Variants in TEP1 observed in about 807,000 individuals in gnomAD.
TEP1 encodes the protein telomerase associated protein 1, also known as telomerase protein component 1.
In TEP1, 241 loss-of-function variants were observed where a neutral mutation model predicts 306.3. That is an observed-to-expected ratio of 0.79 (90% CI 0.71 to 0.88). The LOEUF is 0.88. Ranked by LOEUF, TEP1 falls within the 40% of genes least tolerant of loss-of-function variation. The probability of loss-of-function intolerance (pLI) is 0.00; values close to 1 mark genes in which losing one functional copy is unlikely to be tolerated. For synonymous variants in TEP1, 1,289 were observed against 1,305.5 expected (o/e 0.99, Z 0.27); for missense variants, 3,051 against 3,276.1 (o/e 0.93, Z 1.68).
chr14:20,389,875 A>G, intron 15 of TEP1, 135 bp from the exon 16 acceptor site: 1 of 1,196,296 alleles, frequency 8.4e-7, no homozygotes, highest in Non-Finnish European at 1.1e-6. Context: ...ACATAGAATG[A>G]GGGAAGCCAC....
At chr14:20,371,110 T>C in intron 51 of TEP1, 108 bp downstream of exon 51, 1 of 886,774 alleles carries the variant, frequency 1.1e-6, no homozygotes, top group Non-Finnish European at 1.9e-6. Context: ...TAAGAGGATT[T>C]GCAGCCAACT....
rs936118040 is a variant in TEP1, at chr14:20,382,034, G to A, written c.4303C>T (p.Leu1435=). The A allele has an allele frequency of 1.2e-6, 2 of 1,614,150 alleles. No individual in the cohort carries two copies. Among genetic ancestry groups the A allele is most frequent in the South Asian group, 2.2e-5 (2 of 91,088 alleles). ...TTCGGTAGTGTCCGCCACACACTCA[G>A]CACTCCGTGCAGCTGGTCCACAGTC... The part of the protein sequence containing the change: ...GLTVDQLHGV[L]SVWRTLPKGT... Residue 1435 remains leucine, a synonymous_variant, in exon 30 of 55, where the codon CTG becomes TTG. Transcript: ENST00000262715.
Position 20,404,715 on chromosome 14 carries a change from C to G in TEP1, c.928G>C (p.Ala310Pro). Reference sequence around the variant, plus strand: ...CACGCCGGCAAGAAAGCAGCAATGGCCAAGATGTTATTGGCCACATTCCGG... The same window carrying G: ...CACGCCGGCAAGAAAGCAGCAATGGGCAAGATGTTATTGGCCACATTCCGG... The part of the protein sequence containing the change: ...NVRNVANNIL[A>P]IAAFLPACRP... The change falls in exon 5 of 55, where the codon GCC becomes CCC. Residue 310 changes from alanine to proline, a missense_variant. Physicochemically the swap from Ala to Pro is conservative, Grantham distance 27. Around this residue, in one of 3 missense-constraint regions of TEP1, gnomAD observed 1,507 missense variants for 1,550.5 expected, o/e 0.97. Transcript: ENST00000262715. The G allele has an allele frequency of 6.2e-7, 1 of 1,614,072 alleles. No homozygotes were observed. Among genetic ancestry groups the G allele is most frequent in the Admixed American group, 1.7e-5 (1 of 60,006 alleles).
chr14:20,382,752 G>T, intron 27 of TEP1, 37 bp from the exon 28 acceptor site: 1 of 1,602,234 alleles, frequency 6.2e-7, no homozygotes, highest in South Asian at 1.1e-5. Context: ...GGTCCAGGAG[G>T]GCTGCCCGCA....
chr14:20,404,679 G>A lies in TEP1; in HGVS notation c.964C>T (p.Leu322=). 1 of 1,614,216 alleles carries A rather than the reference G, an allele frequency of 6.2e-7. No individual in the cohort carries two copies. Among genetic ancestry groups the A allele is most frequent in the Non-Finnish European group, 8.5e-7 (1 of 1,180,052 alleles). Residue 322 remains leucine (L), a synonymous_variant, in exon 5 of 55, where the codon CTG becomes TTG. Coordinates refer to ENST00000262715, the MANE Select transcript of TEP1 (RefSeq NM_007110.5). The part of the protein sequence containing the change: ...AAFLPACRPH[L]RRYFCAIVQL... Reference sequence around the variant, plus strand: ...ACAATGGCACAGAAATATCGTCGCAGGTGGGGGCGACACGCCGGCAAGAAA... The same window carrying A: ...ACAATGGCACAGAAATATCGTCGCAAGTGGGGGCGACACGCCGGCAAGAAA...
chr14:20,373,886 G>A, intron 44 of TEP1, 76 bp from the exon 45 acceptor site: 1 of 1,549,950 alleles, frequency 6.5e-7, no homozygotes, highest in Non-Finnish European at 8.7e-7. Context: ...CCACAGAGGT[G>A]GGTGGAGCAT....
chr14:20,384,952 AAGGAGCCCC>A, intron 21 of TEP1, 24 bp downstream of exon 21: 1 of 1,613,912 alleles, frequency 6.2e-7, no homozygotes, highest in South Asian at 1.1e-5. Flanking sequence ...CCTTTTGGGG[AAGGAGCCCC>A]AGCCTGCAGG....
Position 20,403,824 on chromosome 14 carries a change from T to C in TEP1, c.1093A>G (p.Met365Val), listed in dbSNP as rs768388925. ...TCAAACTGGGCAAATTTGTCCGTCA[T>C]GGCAGTACGGAGACAGGCGGGCAGG... ...VPLPACLRTA[M>V]TDKFAQFDEY... Residue 365 changes from methionine (M) to valine (V), a missense_variant, in exon 6 of 55, where the codon ATG (methionine) becomes GTG (valine). By Grantham distance (21) the Met-to-Val change is conservative. Around this residue, in one of 3 missense-constraint regions of TEP1, gnomAD observed 1,507 missense variants for 1,550.5 expected, o/e 0.97. Coordinates refer to ENST00000262715, the MANE Select transcript of TEP1 (RefSeq NM_007110.5). 7 of 1,614,032 alleles carry C rather than the reference T, an allele frequency of 4.3e-6. No homozygotes were observed. The East Asian group carries it at 1.1e-4, about 26-fold the overall frequency.
At chr14:20,395,811 T>C in intron 11 of TEP1, 48 bp downstream of exon 11, 1 of 1,577,670 alleles carries the variant, frequency 6.3e-7, no homozygotes, top group Non-Finnish European at 8.7e-7. Flanking sequence ...GCTTCATTTA[T>C]TGTCAGATGT....
chr14:20,389,569 A>G (rs1566465051), intron 16 of TEP1, 41 bp downstream of exon 16: 2 of 1,608,504 alleles, frequency 1.2e-6, no homozygotes, highest in African/African-American at 2.7e-5. Context: ...AATGTAGACC[A>G]CTGATTTCTG....
Position 20,373,081 on chromosome 14 carries a change from A to G in TEP1, c.6881T>C (p.Met2294Thr). Residue 2294 changes from methionine to threonine, a missense_variant, in exon 48 of 55, where the codon ATG becomes ACG. Met to Thr is a moderately conservative substitution (Grantham distance 81). Around this residue, in one of 3 missense-constraint regions of TEP1, gnomAD observed 1,540 missense variants for 1,705.9 expected, o/e 0.90. Coordinates refer to ENST00000262715, the MANE Select transcript of TEP1 (RefSeq NM_007110.5). ...CCCAGCTTGATTTCCAGATACTGCC[A>G]TGGAACCATCTGGTGCCCAAGCCAC... ...TAVAWAPDGSMAVSGNQAGEL... is the reference protein window; with the variant it reads ...TAVAWAPDGSTAVSGNQAGEL... The G allele has an allele frequency of 1.2e-6, 2 of 1,614,230 alleles. No homozygotes were observed. Among genetic ancestry groups the G allele is most frequent in the Non-Finnish European group, 1.7e-6 (2 of 1,180,036 alleles).
rs779086209 is a variant in TEP1 at position 20,388,023 on chromosome 14, C to A, written c.2566G>T (p.Val856Leu). Residue 856 changes from valine (V) to leucine (L), a missense_variant, in exon 18 of 55, where the codon GTG becomes TTG. Coordinates refer to ENST00000262715, the MANE Select transcript of TEP1 (RefSeq NM_007110.5). ...TTGAATATTTTGTCCATTTGGCCCA[C>A]ATGTTCCAGAAGATGGGAGGCCCCA... ...EHGASHLLEH[V>L]GQMDKIFKIP... 6.2e-7 allele frequency: 1 copy of A among 1,614,130 alleles called. No homozygotes were observed. Among genetic ancestry groups the A allele is most frequent in the Non-Finnish European group, 8.5e-7 (1 of 1,180,016 alleles).
rs1178036854 is a variant in TEP1, at chr14:20,381,207, A to T, written c.4647+106T>A. 3 of 1,283,640 alleles carry T rather than the reference A, an allele frequency of 2.3e-6. No homozygotes were observed. The highest frequency in any genetic ancestry group is 3.4e-6 in the Non-Finnish European group (3 of 880,568). The allele number at this position is 1,283,640 out of a possible 1,614,324, so 79.5% of individuals were successfully genotyped here. ...AGGAAAGAGGTCAAGGGAGTTTGGG[A>T]GGGGTAATGGCGGCGGTGATGGTGG... On this transcript the variant is annotated intron_variant, in intron 32 of 54. Coordinates refer to ENST00000262715, the MANE Select transcript of TEP1 (RefSeq NM_007110.5). The surrounding 1 kb of genome is among the most constrained non-coding windows in gnomAD (Gnocchi z 4.0).
intron 43 of TEP1, among the ~76,000 whole-genome samples, chr14:20,375,091 C>CAA (rs201018482): frequency 1.6e-5 from 1 of 63,234 alleles, no homozygotes. Context: ...AACTCTGTCT[C>CAA]AAAACAAAAA....
intron 1 of TEP1, among the ~76,000 whole-genome samples, chr14:20,412,832 T>G (rs932392587): frequency 6.6e-6 from 1 of 151,910 alleles, no homozygotes; most frequent in Admixed American, 6.6e-5. Flanking sequence ...CTAATTTTTT[T>G]GTATTTTCAG....
intron 51 of TEP1, among the ~76,000 whole-genome samples, chr14:20,370,594 C>T (rs1371036005): frequency 6.6e-6 from 1 of 151,952 alleles, no homozygotes; most frequent in Non-Finnish European, 1.5e-5. Flanking sequence ...ATTATTTATC[C>T]CCTTTCTATT....
chr14:20,408,422 C>A lies in TEP1; in HGVS notation c.18G>T (p.Gly6=), dbSNP rs1286206286. MEKLH[G]HVSAHPDILS... is the part of the protein sequence containing the mutation. ...GGATGTCTGGATGGGCAGACACATG[C>A]CCATGGAGTTTTTCCATGGCTGAAA... is the stretch of plus-strand genomic sequence containing the variant. The change falls in exon 2 of 55, where the codon GGG becomes GGT. Residue 6 remains glycine, a synonymous_variant. Coordinates refer to ENST00000262715, the MANE Select transcript of TEP1 (RefSeq NM_007110.5). 6.2e-7 allele frequency: 1 copy of A among 1,612,996 alleles called. No homozygotes were observed. Among genetic ancestry groups the A allele is most frequent in the Non-Finnish European group, 8.5e-7 (1 of 1,179,776 alleles).
Position 20,380,351 on chromosome 14 carries a change from G to A in TEP1, c.4887C>T (p.Ala1629=), listed in dbSNP as rs1294498358. 1.2e-6 allele frequency: 2 copies of A among 1,614,088 alleles called. No homozygotes were observed. The highest frequency in any genetic ancestry group is 3.3e-5 in the Admixed American group (2 of 60,008). ...QYPRLLPQQA[A]NQPLDSPLCH... ...AAAGAGGTGAGTCCAGGGGCTGGTTGGCTGCCTGCTGGGGCAGGAGCCGGG... is the reference window on the plus strand; with the variant it reads ...AAAGAGGTGAGTCCAGGGGCTGGTTAGCTGCCTGCTGGGGCAGGAGCCGGG... The change falls in exon 34 of 55, where the codon GCC becomes GCT. Residue 1629 remains alanine, a synonymous_variant. Transcript: ENST00000262715.
At chr14:20,396,770 A>G (rs747858037) in intron 9 of TEP1, 40 bp from the exon 10 acceptor site, 2 of 1,446,680 alleles carry the variant, frequency 1.4e-6, no homozygotes, top group Non-Finnish European at 1.9e-6. Context: ...AACAAATGAG[A>G]AGGCCAGGCA....
Sources: allele counts gnomAD v4.1 joint callset (sites outside exome capture counted in the v4.1 genomes callset), GRCh38; gene constraint gnomAD v4.1.1; regional missense constraint gnomAD v4.1.1; non-coding constraint Gnocchi (gnomAD v3.1); transcripts MANE v1.5; gene names NCBI Gene and HGNC (gene_info 2026-07-23, HGNC 2026-07-21).